STRN3: variants seen among roughly 807,000 people sequenced by gnomAD.
STRN3 encodes the protein striatin-3.
In STRN3, 29 loss-of-function variants were observed where a neutral mutation model predicts 95.6. The observed-to-expected ratio is 0.30, with a 90% CI of 0.23 to 0.41. The LOEUF is 0.41. Ranked by LOEUF, STRN3 falls within the 10% of genes least tolerant of loss-of-function variation. STRN3 has a pLI of 1.00. For missense variants in STRN3, 890 were observed against 972.1 expected (o/e 0.92, Z 1.12); for synonymous variants, 331 against 357.6 (o/e 0.93, Z 0.84).
chr14:30,977,089 G>A (rs1264307563), intron 1 of STRN3, among the ~76,000 whole-genome samples: 1 of 152,132 alleles, frequency 6.6e-6, no homozygotes, highest in Admixed American at 6.5e-5. Flanking sequence ...CGCTGGGTAT[G>A]GTGGTGGGTG....
At chr14:30,981,266 A>G (rs1469623381) in intron 1 of STRN3, among the ~76,000 whole-genome samples, 1 of 152,016 alleles carries the variant, frequency 6.6e-6, no homozygotes, top group Admixed American at 6.6e-5. Flanking sequence ...GGGAACTATG[A>G]CTGCACCACT....
In STRN3 at chr14:31,009,164, T is replaced by C. The variant is rs113124923; in HGVS notation, c.282+16740A>G. Among the ~76,000 whole-genome samples the C allele has an allele frequency of 1.3e-3, 195 of 152,266 alleles. 1 individual carries two copies. Among genetic ancestry groups the C allele is most frequent in the African/African-American group, 4.5e-3 (187 of 41,560 alleles). ...AGTATGAGTTTCTTTTGTATCGATA[T>C]ATACATCCCAACAATTATTGACTGC... On this transcript the variant is annotated intron_variant, in intron 1 of 17. Coordinates refer to ENST00000357479, the MANE Select transcript of STRN3 (RefSeq NM_001083893.2).
chr14:31,006,074 G>A (rs114705850), intron 1 of STRN3, among the ~76,000 whole-genome samples: 4,868 of 146,376 alleles, frequency 0.033, 286 homozygotes, highest in African/African-American at 0.12. Flanking sequence ...AGCCGAGATC[G>A]CGCCACTGCA....
At chr14:31,003,768 A>C (rs1478604652) in intron 1 of STRN3, among the ~76,000 whole-genome samples, 1 of 142,564 alleles carries the variant, frequency 7.0e-6, no homozygotes, top group African/African-American at 2.6e-5. Flanking sequence ...AAAATAAACT[A>C]AGACCTTAAT....
At chr14:30,970,779 G>A (rs1255895278) in intron 1 of STRN3, among the ~76,000 whole-genome samples, 2 of 152,206 alleles carry the variant, frequency 1.3e-5, no homozygotes, top group African/African-American at 4.8e-5. Flanking sequence ...AAGATACCAA[G>A]ATGTAAATGC....
chr14:30,895,643 A>G lies in STRN3; in HGVS notation c.2224+19T>C. ...ATCTTTTATAAAGTTTGTGGGCAGTACAGGACTTTAAGACTTACTTCCAGA... is the reference window on the plus strand; with the variant it reads ...ATCTTTTATAAAGTTTGTGGGCAGTGCAGGACTTTAAGACTTACTTCCAGA... On this transcript the variant is annotated intron_variant, in intron 17 of 17. Transcript: ENST00000357479. 1 of 1,612,660 alleles carries G rather than the reference A, an allele frequency of 6.2e-7. No homozygotes were observed. Among genetic ancestry groups the G allele is most frequent in the South Asian group, 1.1e-5 (1 of 90,742 alleles).
intron 1 of STRN3, among the ~76,000 whole-genome samples, chr14:30,977,526 G>A (rs929591468): frequency 6.6e-6 from 1 of 151,676 alleles, no homozygotes; most frequent in African/African-American, 2.4e-5. Flanking sequence ...CTCAATGCCT[G>A]TAATCCCAGC....
chr14:31,018,105 T>A, intron 1 of STRN3, among the ~76,000 whole-genome samples: 1 of 148,208 alleles, frequency 6.7e-6, no homozygotes, highest in African/African-American at 2.5e-5. Context: ...AAAAGGAAAT[T>A]AATTTAAATA....
At chr14:30,938,804 T>C (rs1180692630) in intron 5 of STRN3, among the ~76,000 whole-genome samples, 2 of 152,172 alleles carry the variant, frequency 1.3e-5, no homozygotes, top group African/African-American at 4.8e-5. Flanking sequence ...TGGGGAAATA[T>C]TTCAAATAGA....
chr14:30,919,051 C>T lies in STRN3; in HGVS notation c.1155G>A (p.Leu385=). 1.9e-6 allele frequency: 3 copies of T among 1,611,692 alleles called. No individual in the cohort carries two copies. The highest frequency in any genetic ancestry group is 2.5e-6 in the Non-Finnish European group (3 of 1,178,640). The change falls in exon 9 of 18, where the codon CTG becomes CTA. Residue 385 remains leucine, a synonymous_variant. Coordinates refer to ENST00000357479, the MANE Select transcript of STRN3 (RefSeq NM_001083893.2). ...TAATGATTCCTGAAGGGATGTGGGG[C>T]AGCTCATCATCTCCCAGATCAGCTA... is the stretch of plus-strand genomic sequence containing the variant. ...DMIADLGDDE[L]PHIPSGIINQ...
At chr14:30,942,083 T>G (rs775803730) in intron 5 of STRN3, among the ~76,000 whole-genome samples, 4 of 152,236 alleles carry the variant, frequency 2.6e-5, no homozygotes, top group Non-Finnish European at 5.9e-5. Flanking sequence ...CAAATGCACT[T>G]ATGTTTAATA....
At chr14:30,919,311 GATAT>G (rs1161449359) in intron 8 of STRN3, among the ~76,000 whole-genome samples, 1 of 151,308 alleles carries the variant, frequency 6.6e-6, no homozygotes, top group East Asian at 1.9e-4. Context: ...TGGAGAGAGA[GATAT>G]ATATAAAGAT....
chr14:31,011,788 A>T (rs960106280), intron 1 of STRN3, among the ~76,000 whole-genome samples: 2 of 152,072 alleles, frequency 1.3e-5, no homozygotes, highest in Non-Finnish European at 2.9e-5. Flanking sequence ...TTATTTATTT[A>T]TTTTTTATTT....
intron 1 of STRN3, among the ~76,000 whole-genome samples, chr14:31,022,426 T>G (rs1883548872): frequency 6.6e-6 from 1 of 151,884 alleles, no homozygotes; most frequent in Admixed American, 6.6e-5. Flanking sequence ...TACATTTTCT[T>G]GTATTAGCTA....
At chr14:31,020,927 T>C (rs1328752514) in intron 1 of STRN3, among the ~76,000 whole-genome samples, 2 of 152,022 alleles carry the variant, frequency 1.3e-5, no homozygotes, top group African/African-American at 4.8e-5. Flanking sequence ...AAATTATTTC[T>C]AGAGTATAAG....
At chr14:30,971,687 A>G (rs183430666) in intron 1 of STRN3, among the ~76,000 whole-genome samples, 4 of 152,258 alleles carry the variant, frequency 2.6e-5, no homozygotes, top group Admixed American at 2.6e-4. Context: ...AAAGTATAAC[A>G]AAAGCACTGC....
chr14:30,920,704 T>C (rs1896857690), intron 8 of STRN3, among the ~76,000 whole-genome samples: 1 of 152,152 alleles, frequency 6.6e-6, no homozygotes. Context: ...TCCTAATTGG[T>C]TTTTCTATCT....
At chr14:30,961,473 G>C (rs1880203183) in intron 1 of STRN3, among the ~76,000 whole-genome samples, 1 of 152,220 alleles carries the variant, frequency 6.6e-6, no homozygotes, top group African/African-American at 2.4e-5. Context: ...AGAAGTCGTA[G>C]CTATTGTAAC....
intron 16 of STRN3, among the ~76,000 whole-genome samples, chr14:30,898,734 C>T (rs1896225661): frequency 6.6e-6 from 1 of 152,212 alleles, no homozygotes. Context: ...TCTGCTAATA[C>T]TCTACCAAAA....
Sources: allele counts gnomAD v4.1 joint callset (sites outside exome capture counted in the v4.1 genomes callset), GRCh38; gene constraint gnomAD v4.1.1; transcripts MANE v1.5; gene names NCBI Gene and HGNC (gene_info 2026-07-23, HGNC 2026-07-21).